The following CDKL4 variants were observed in gnomAD, a reference collection of about 807,000 sequenced individuals.
CDKL4 encodes cyclin dependent kinase like 4.
A neutral mutation model predicts 42.0 loss-of-function variants in CDKL4; 44 were observed. The ratio of observed to expected loss-of-function variants is 1.05; its 90% CI spans 0.82 to 1.35. The LOEUF (loss-of-function observed/expected upper bound fraction) is 1.35, where lower values mean the gene tolerates loss of function less well. Among genes scored for constraint, CDKL4 ranks in the 40% most tolerant of loss-of-function variants. The pLI is 0.00. For synonymous variants in CDKL4, 120 were observed against 121.6 expected (o/e 0.99, Z 0.09); for missense variants, 393 against 369.9 (o/e 1.06, Z -0.51).
intron 1 of CDKL4, among the ~76,000 whole-genome samples, chr2:39,240,258 TA>T (rs1290376987): frequency 5.0e-5 from 1 of 20,020 alleles, no homozygotes; most frequent in African/African-American, 5.6e-5. Flanking sequence ...TAAAATAAAA[TA>T]AAATAAAATA....
intron 4 of CDKL4, among the ~76,000 whole-genome samples, chr2:39,210,026 C>T (rs1019668697): frequency 2.0e-5 from 3 of 152,128 alleles, no homozygotes; most frequent in Admixed American, 6.5e-5. Context: ...CTTGCTCTGT[C>T]GCCCAGGCTG....
At chr2:39,243,576 C>T (rs1294916415) in intron 1 of CDKL4, among the ~76,000 whole-genome samples, 1 of 152,228 alleles carries the variant, frequency 6.6e-6, no homozygotes, top group Non-Finnish European at 1.5e-5. Context: ...AATGACAGTT[C>T]TCTTTCTCGG....
rs1679134931 is a variant in CDKL4 at position 39,232,506 on chromosome 2, T to C, written c.-56-2918A>G. ...GGAACATTCTAAACCAAATGCCTTCTCTTCTTTCTTATCCTCTGTCCATAC... is the reference window on the plus strand; with the variant it reads ...GGAACATTCTAAACCAAATGCCTTCCCTTCTTTCTTATCCTCTGTCCATAC... On this transcript the variant is annotated intron_variant, in intron 1 of 9. Transcript: ENST00000451199. Among the ~76,000 whole-genome samples the C allele has an allele frequency of 2.0e-5, 3 of 152,320 alleles. No individual in the cohort carries two copies. The South Asian group carries it at 6.2e-4, about 32-fold the overall frequency.
intron 2 of CDKL4, 35 bp downstream of exon 2, chr2:39,229,330 C>G: frequency 7.1e-7 from 1 of 1,412,114 alleles, no homozygotes; most frequent in Non-Finnish European, 9.6e-7. Flanking sequence ...TCACTCAATT[C>G]CATGATATTT....
chr2:39,230,092 A>G (rs559492360), intron 1 of CDKL4, among the ~76,000 whole-genome samples: 9 of 152,370 alleles, frequency 5.9e-5, no homozygotes, highest in South Asian at 2.1e-4. Flanking sequence ...TTTAAAAACA[A>G]TAACAGGCCA....
intron 3 of CDKL4, among the ~76,000 whole-genome samples, chr2:39,224,900 A>T (rs1041616565): frequency 2.0e-5 from 3 of 152,180 alleles, no homozygotes; most frequent in Non-Finnish European, 4.4e-5. Flanking sequence ...TGGTTTTAAT[A>T]ACTCTTTAGG....
At chr2:39,168,463 C>T in the CDKL4 span, among the ~76,000 whole-genome samples, 7 of 152,224 alleles carry the variant, frequency 4.6e-5, no homozygotes, top group South Asian at 2.1e-4. Flanking sequence ...AGGCCAGGCG[C>T]GGTGGCTTAT....
chr2:39,173,000 GA>G, downstream of CDKL4, among the ~76,000 whole-genome samples: 1 of 152,308 alleles, frequency 6.6e-6, no homozygotes, highest in African/African-American at 2.4e-5. Context: ...GGAAAAAAAA[GA>G]GAAATGCTAG....
At position 39,188,476 on chromosome 2, in the gene CDKL4, C is replaced by T. The variant is rs188869182; in HGVS notation, c.653-767G>A. Among the ~76,000 whole-genome samples the T allele has an allele frequency of 7.4e-5, 10 of 134,762 alleles. No individual in the cohort carries two copies. In the East Asian group the frequency reaches 1.2e-3, roughly 17 times the overall value. 88.4% of individuals were successfully genotyped at this position (134,762 alleles called of 152,430 possible). The stretch of plus-strand genomic sequence containing the variant: ...ACTTAGGAGGCTGAGGCAGGAGAAT[C>T]GCTTGAATTTGGGAGGCGGAGGTTG... On this transcript the variant is annotated intron_variant, in intron 6 of 9. Coordinates refer to ENST00000451199, the Ensembl canonical transcript of CDKL4.
intron 2 of CDKL4, among the ~76,000 whole-genome samples, chr2:39,226,973 G>T (rs1678785762): frequency 6.6e-6 from 1 of 151,992 alleles, no homozygotes. Context: ...CACCATGTTG[G>T]ACAGGCTGGT....
At chr2:39,194,348 T>A (rs888521106) in intron 5 of CDKL4, among the ~76,000 whole-genome samples, 2 of 152,102 alleles carry the variant, frequency 1.3e-5, no homozygotes, top group East Asian at 3.9e-4. Context: ...AATTAGTATA[T>A]CTGTTGTCCC....
chr2:39,178,903 G>C, intron 9 of CDKL4: 1 of 1,453,714 alleles, frequency 6.9e-7, no homozygotes, highest in East Asian at 2.5e-5. Context: ...TTATATTATG[G>C]GTATACGATC....
chr2:39,198,115 C>G (rs1032888452), intron 5 of CDKL4, among the ~76,000 whole-genome samples: 1 of 152,062 alleles, frequency 6.6e-6, no homozygotes. Flanking sequence ...TAAGGACTCA[C>G]ATAAGCTTAA....
At chr2:39,205,175 C>T (rs1203842148) in intron 4 of CDKL4, among the ~76,000 whole-genome samples, 6 of 151,226 alleles carry the variant, frequency 4.0e-5, no homozygotes, top group Admixed American at 2.0e-4. Context: ...AACCCTGTCT[C>T]GAAAACAAAA....
intron 6 of CDKL4, among the ~76,000 whole-genome samples, chr2:39,188,199 T>C (rs1675945589): frequency 6.6e-6 from 1 of 152,170 alleles, no homozygotes; most frequent in African/African-American, 2.4e-5. Context: ...TGCAGACGCA[T>C]GCCTTCTCAG....
intron 2 of CDKL4, among the ~76,000 whole-genome samples, chr2:39,226,223 T>C (rs1167898852): frequency 6.6e-6 from 1 of 151,502 alleles, no homozygotes; most frequent in Non-Finnish European, 1.5e-5. Context: ...AGTAGAAAAT[T>C]GAGGAAATGA....
chr2:39,228,012 G>C (rs901813302), intron 2 of CDKL4, among the ~76,000 whole-genome samples: 6 of 152,186 alleles, frequency 3.9e-5, no homozygotes, highest in Non-Finnish European at 8.8e-5. Flanking sequence ...AAAGCAGAAA[G>C]ATGGACGTTC....
At chr2:39,171,339 A>C (rs190522225), downstream of CDKL4, among the ~76,000 whole-genome samples, 12 of 152,314 alleles carry the variant, frequency 7.9e-5, no homozygotes, top group East Asian at 1.7e-3. Flanking sequence ...AGGAAAAAAA[A>C]CAAACTACTT....
exon 2 of CDKL4, chr2:39,229,450 T>C: frequency 6.2e-7 from 1 of 1,613,616 alleles, no homozygotes; most frequent in Non-Finnish European, 8.5e-7. Flanking sequence ...AGCTACTACT[T>C]GTCCAGAGGT....
Sources: gnomAD v4.1 joint callset for allele counts (sites outside exome capture counted in the v4.1 genomes callset) on GRCh38, gnomAD v4.1.1 for gene constraint, MANE v1.5 for transcripts, NCBI Gene and HGNC (gene_info 2026-07-23, HGNC 2026-07-21) for gene names.